AMY2B: variants seen among roughly 807,000 people sequenced by gnomAD.
AMY2B encodes amylase alpha 2B, also known as alpha-amylase 2B.
In AMY2B, 63 loss-of-function variants were observed where a neutral mutation model predicts 59.3. The ratio of observed to expected loss-of-function variants is 1.06; its 90% CI spans 0.87 to 1.31. The LOEUF (loss-of-function observed/expected upper bound fraction) is 1.31, where lower values mean the gene tolerates loss of function less well. AMY2B is among the 50% of genes most tolerant of loss of function. The pLI is 0.00. For synonymous variants in AMY2B, 180 were observed against 198.1 expected, an observed-to-expected ratio of 0.91 and a Z score of 0.77; for missense variants, 635 against 626.7, an observed-to-expected ratio of 1.01 and a Z score of -0.14.
chr1:103,562,636 G>A (rs748974723), intron 1 of AMY2B, among the ~76,000 whole-genome samples: 1 of 149,758 alleles, frequency 6.7e-6, no homozygotes, highest in East Asian at 2.0e-4. Context: ...AGGCATCTAG[G>A]CTAAGAACTA....
chr1:103,577,941 T>A (rs1320533528), intron 9 of AMY2B, 96 bp downstream of exon 9: 1 of 1,569,464 alleles, frequency 6.4e-7, no homozygotes, highest in East Asian at 2.2e-5. Flanking sequence ...ATCTGAAAAA[T>A]CATGTAGTCA....
chr1:103,571,358 T>G, upstream of AMY2B: 1 of 1,052,322 alleles, frequency 9.5e-7, no homozygotes. Flanking sequence ...TCATTGTGTA[T>G]GGAAAAATAA....
rs755449180 is a variant in AMY2B at position 103,575,544 on chromosome 1, AG to A, written c.1101+5del. 102 of 1,613,494 alleles carry A rather than the reference AG, an allele frequency of 6.3e-5. No individual in the cohort carries two copies. Among genetic ancestry groups the A allele is most frequent in the Admixed American group, 2.3e-4 (14 of 59,938 alleles). ...AAGACAGTTTCAAAATGGAAACGTAAGTTTTGAAATTGTTCAAACTATCCTT... is the reference window on the plus strand; with the variant it reads ...AAGACAGTTTCAAAATGGAAACGTAATTTTGAAATTGTTCAAACTATCCTT... On this transcript the variant is annotated splice_donor_5th_base_variant and intron_variant, in intron 7 of 9. Transcript: ENST00000684275.
chr1:103,576,261 G>T (rs562667692), intron 7 of AMY2B, among the ~76,000 whole-genome samples: 125 of 152,258 alleles, frequency 8.2e-4, no homozygotes, highest in Non-Finnish European at 1.6e-3. Flanking sequence ...TCCTTCCTCT[G>T]AGTCACACAG....
intron 1 of AMY2B, among the ~76,000 whole-genome samples, chr1:103,563,057 ACCCT>A (rs1651786223): frequency 6.6e-6 from 1 of 152,014 alleles, no homozygotes; most frequent in African/African-American, 2.4e-5. Context: ...TACTTTTGAG[ACCCT>A]CAGAAACTGG....
intron 2 of AMY2B, 140 bp from the exon 3 acceptor site, chr1:103,572,923 T>C (rs1652192618): frequency 6.6e-7 from 1 of 1,518,894 alleles, no homozygotes; most frequent in South Asian, 1.2e-5. Context: ...CACAGTTGAT[T>C]TTTGATCTTG....
chr1:103,579,489 T>A lies in AMY2B; in HGVS notation c.1525T>A (p.Ser509Thr). 6.2e-7 allele frequency: 1 copy of A among 1,609,342 alleles called. No individual in the cohort carries two copies. The highest frequency in any genetic ancestry group is 8.5e-7 in the Non-Finnish European group (1 of 1,179,110). The change falls in exon 10 of 10, where the codon TCT (serine) becomes ACT (threonine). Residue 509 changes from serine to threonine, a missense_variant. Coordinates refer to ENST00000684275, the MANE Select transcript of AMY2B (RefSeq NM_001387437.1). ...EDPFIAIHAE[S>T]KL ...TCCATTTATTGCAATTCATGCTGAA[T>A]CTAAATTATAAAATTTAAAATTAAA...
intron 1 of AMY2B, among the ~76,000 whole-genome samples, chr1:103,563,000 T>C (rs951744235): frequency 6.6e-6 from 1 of 152,076 alleles, no homozygotes; most frequent in African/African-American, 2.4e-5. Context: ...CCATTTATAT[T>C]ATGGATGTCA....
chr1:103,576,016 A>C (rs1652339292), intron 7 of AMY2B, among the ~76,000 whole-genome samples: 1 of 152,182 alleles, frequency 6.6e-6, no homozygotes, highest in Admixed American at 6.5e-5. Flanking sequence ...AAAGTATCTA[A>C]TAAGAGGAAG....
intron 3 of AMY2B, 82 bp from the exon 4 acceptor site, chr1:103,573,626 A>G: frequency 6.3e-7 from 1 of 1,581,490 alleles, no homozygotes; most frequent in South Asian, 1.1e-5. Flanking sequence ...TTGAGGAATC[A>G]TGGAATAAAT....
upstream of AMY2B, chr1:103,569,004 T>C (rs531110725): frequency 1.2e-4 from 19 of 152,198 alleles, no homozygotes; most frequent in African/African-American, 4.6e-4. Context: ...AACCCATCCT[T>C]CTTCACTTGA....
rs1475799528 is a variant in AMY2B at position 103,573,392 on chromosome 1, C to T, written c.513+132C>T. 6.2e-6 allele frequency: 9 copies of T among 1,454,052 alleles called. No individual in the cohort carries two copies. The East Asian group carries it at 1.8e-4, about 30-fold the overall frequency. 90.1% of individuals were successfully genotyped at this position (1,454,052 alleles called of 1,614,324 possible). A position where few individuals can be genotyped will look rare whatever the true frequency, so the allele number is the denominator to read the frequency against. ...GGACACAGGTTAACAGGTTTGACTA[C>T]TTTAAGAAACTCAAATCCATATTTA... On this transcript the variant is annotated intron_variant, in intron 3 of 9. Coordinates refer to ENST00000684275, the MANE Select transcript of AMY2B (RefSeq NM_001387437.1).
chr1:103,560,432 T>G (rs1022515626), intron 1 of AMY2B, among the ~76,000 whole-genome samples: 9 of 152,170 alleles, frequency 5.9e-5, no homozygotes, highest in African/African-American at 2.2e-4. Context: ...ATCATTTATT[T>G]GGTTCTAGCT....
chr1:103,572,363 A>G (rs1652170191), intron 2 of AMY2B, 107 bp downstream of exon 2: 1 of 1,504,110 alleles, frequency 6.6e-7, no homozygotes, highest in Non-Finnish European at 8.9e-7. Flanking sequence ...TATTTTTTTA[A>G]TTTTACTTCA....
At chr1:103,573,456 C>T (rs372775511) in intron 3 of AMY2B, among the ~76,000 whole-genome samples, 196 bp downstream of exon 3, 3 of 152,124 alleles carry the variant, frequency 2.0e-5, no homozygotes, top group African/African-American at 7.2e-5. Flanking sequence ...AATCAATACA[C>T]ATTTGCCCAC....
At chr1:103,561,402 G>A (rs1015010708) in intron 1 of AMY2B, among the ~76,000 whole-genome samples, 1 of 151,966 alleles carries the variant, frequency 6.6e-6, no homozygotes. Flanking sequence ...TAAGTAGCTG[G>A]GATTACAGGT....
Position 103,573,049 on chromosome 1 carries a change from A to C in AMY2B, c.316-14A>C. The C allele has an allele frequency of 1.2e-6, 2 of 1,613,134 alleles. No homozygotes were observed. The highest frequency in any genetic ancestry group is 1.7e-6 in the Non-Finnish European group (2 of 1,179,584). The stretch of plus-strand genomic sequence containing the variant: ...CTCTGTAAGTCACACTGAAGTAGAA[A>C]CTTTGCTTTCTAGGTTCGTATTTAT... On this transcript the variant is annotated splice_polypyrimidine_tract_variant and intron_variant, in intron 2 of 9. Transcript: ENST00000684275.
chr1:103,557,292 A>G (rs1651587947), intron 1 of AMY2B, among the ~76,000 whole-genome samples: 3 of 152,286 alleles, frequency 2.0e-5, no homozygotes, highest in South Asian at 2.1e-4. Context: ...GTAAGACTGG[A>G]ACATCTGTGA....
Position 103,575,493 on chromosome 1 carries a change from C to T in AMY2B, c.1054C>T (p.Arg352Ter), listed in dbSNP as rs760449208. 3.6e-5 allele frequency: 58 copies of T among 1,613,486 alleles called. No homozygotes were observed. The highest frequency in any genetic ancestry group is 4.0e-5 in the African/African-American group (3 of 74,842). Residue 352 changes from arginine (R) to a stop codon, truncating the protein, a stop_gained, in exon 7 of 10, where the codon CGA becomes TGA. Coordinates refer to ENST00000684275, the MANE Select transcript of AMY2B (RefSeq NM_001387437.1). LOFTEE classifies it high-confidence loss of function. Reference sequence around the variant, plus strand: ...GCTTGCTCATCCTTATGGTTTTACACGAGTAATGTCAAGCTACCGTTGGCC... The same window carrying T: ...GCTTGCTCATCCTTATGGTTTTACATGAGTAATGTCAAGCTACCGTTGGCC... ...FMLAHPYGFT[R>*]VMSSYRWPRQ... is the part of the protein sequence containing the mutation.
Sources: allele counts gnomAD v4.1 joint callset (sites outside exome capture counted in the v4.1 genomes callset), GRCh38; gene constraint gnomAD v4.1.1; transcripts MANE v1.5; gene names NCBI Gene and HGNC (gene_info 2026-07-23, HGNC 2026-07-21).